Variants in LY96 observed in about 807,000 individuals in gnomAD.
LY96 encodes lymphocyte antigen 96.
Under a neutral mutation model 18.9 loss-of-function variants are expected in LY96, and 18 were observed. That is an observed-to-expected ratio of 0.95 (90% CI 0.66 to 1.41). LY96 has a LOEUF of 1.41. Ranked by LOEUF, LY96 falls within the 40% of genes most tolerant of loss-of-function variation. The pLI is 0.00. For missense variants in LY96, 175 were observed against 182.4 expected, an observed-to-expected ratio of 0.96 and a Z score of 0.23; for synonymous variants, 66 against 62.6, an observed-to-expected ratio of 1.06 and a Z score of -0.26.
At chr8:74,048,321 G>A in the LY96 span, among the ~76,000 whole-genome samples, 1 of 151,888 alleles carries the variant, frequency 6.6e-6, no homozygotes, top group African/African-American at 2.4e-5. Context: ...GAGTACAGTG[G>A]TGCAATCTTG....
At chr8:74,037,909 C>T in the LY96 span, among the ~76,000 whole-genome samples, 1 of 152,150 alleles carries the variant, frequency 6.6e-6, no homozygotes, top group Non-Finnish European at 1.5e-5. Flanking sequence ...TGCTTTCAGC[C>T]CTTCTCTTGC....
intron 1 of LY96, among the ~76,000 whole-genome samples, chr8:73,995,884 A>G (rs1586644632): frequency 6.6e-6 from 1 of 152,236 alleles, no homozygotes; most frequent in East Asian, 1.9e-4. Context: ...TTATGGATTC[A>G]GTAAAATATT....
chr8:74,015,206 A>T (rs552334542), intron 3 of LY96, among the ~76,000 whole-genome samples: 3 of 151,930 alleles, frequency 2.0e-5, no homozygotes, highest in South Asian at 4.2e-4. Flanking sequence ...GATCCTGTTT[A>T]AAAAAAAATT....
chr8:74,074,179 T>C, the LY96 span, among the ~76,000 whole-genome samples: 1 of 152,004 alleles, frequency 6.6e-6, no homozygotes, highest in African/African-American at 2.4e-5. Flanking sequence ...TTTGTAGTTT[T>C]AGTAGAGACA....
the LY96 span, among the ~76,000 whole-genome samples, chr8:74,067,685 A>G: frequency 6.6e-6 from 1 of 152,066 alleles, no homozygotes; most frequent in Non-Finnish European, 1.5e-5. Context: ...GGTGAGGGAG[A>G]TGGAGGCGTT....
the LY96 span, among the ~76,000 whole-genome samples, chr8:74,075,973 G>A: frequency 6.6e-6 from 1 of 152,116 alleles, no homozygotes. Flanking sequence ...CGCAGTCCTG[G>A]CAAAACCTTG....
the LY96 span, among the ~76,000 whole-genome samples, chr8:74,099,196 A>G: frequency 1.3e-5 from 2 of 152,204 alleles, no homozygotes; most frequent in Non-Finnish European, 2.9e-5. Context: ...AAGCCCCTCA[A>G]CTGAGTAAAC....
At chr8:74,050,957 A>G in the LY96 span, among the ~76,000 whole-genome samples, 1 of 152,160 alleles carries the variant, frequency 6.6e-6, no homozygotes. Flanking sequence ...CAGGAGGTGG[A>G]GGTTGCAGTG....
intron 3 of LY96, among the ~76,000 whole-genome samples, chr8:74,024,700 C>T (rs1422260253): frequency 2.0e-5 from 3 of 152,136 alleles, no homozygotes; most frequent in Non-Finnish European, 2.9e-5. Flanking sequence ...GGCCCCAGAG[C>T]CATCACTCTT....
At chr8:74,091,286 C>T in the LY96 span, among the ~76,000 whole-genome samples, 4 of 152,196 alleles carry the variant, frequency 2.6e-5, no homozygotes, top group Non-Finnish European at 5.9e-5. Flanking sequence ...AGTGGCACCA[C>T]CTCTTGCAAG....
At chr8:74,088,199 C>G in the LY96 span, among the ~76,000 whole-genome samples, 33 of 151,690 alleles carry the variant, frequency 2.2e-4, 1 homozygote, top group African/African-American at 2.4e-5. Context: ...TACTATTCCC[C>G]TGCTCTCAGG....
At chr8:74,073,816 C>T in the LY96 span, among the ~76,000 whole-genome samples, 4 of 150,250 alleles carry the variant, frequency 2.7e-5, no homozygotes, top group African/African-American at 9.8e-5. Flanking sequence ...TGCCACCACG[C>T]CTGGCTAATA....
At chr8:74,036,642 C>G in the LY96 span, among the ~76,000 whole-genome samples, 7 of 152,138 alleles carry the variant, frequency 4.6e-5, no homozygotes, top group African/African-American at 1.7e-4. Context: ...CCCAGCCCAC[C>G]AAATTGTCCA....
At chr8:74,054,586 CCTTT>C in the LY96 span, among the ~76,000 whole-genome samples, 494 of 112,870 alleles carry the variant, frequency 4.4e-3, 6 homozygotes, top group African/African-American at 0.015. Flanking sequence ...CCCCCTCCCT[CCTTT>C]CTTTCTTTCT....
intron 1 of LY96, among the ~76,000 whole-genome samples, chr8:73,997,022 G>C (rs975795532): frequency 6.6e-6 from 1 of 152,196 alleles, no homozygotes; most frequent in Admixed American, 6.5e-5. Context: ...TGGGATTACA[G>C]GCATAAGCCA....
the LY96 span, among the ~76,000 whole-genome samples, chr8:74,083,514 A>G: frequency 6.6e-6 from 1 of 152,246 alleles, no homozygotes; most frequent in African/African-American, 2.4e-5. Flanking sequence ...ACTCTTTAAA[A>G]AGTAACTGTA....
the LY96 span, among the ~76,000 whole-genome samples, chr8:74,075,428 A>T: frequency 1.3e-5 from 2 of 152,124 alleles, no homozygotes; most frequent in African/African-American, 4.8e-5. Flanking sequence ...GCCCTACTAC[A>T]GTTAGTTTTT....
At position 74,002,058 on chromosome 8, in the gene LY96, C is replaced by CTTTCTTTCTTTCTTT. The variant is rs1563710759; in HGVS notation, c.113-2738_113-2737insTTTCTTTCTTTCTTT. ...TCCTTCCTTCCTTCCTTCCTTCCTT[C>CTTTCTTTCTTTCTTT]CTTCCTTCCTTCCTTCCTTTCTTTC... is the stretch of plus-strand genomic sequence containing the variant. On this transcript the variant is annotated intron_variant, in intron 1 of 4. Transcript: ENST00000284818. 1.3e-4 allele frequency among the ~76,000 whole-genome samples: 4 copies of CTTTCTTTCTTTCTTT among 31,654 alleles called. 1 individual carries two copies. Among genetic ancestry groups the CTTTCTTTCTTTCTTT allele is most frequent in the South Asian group, 3.1e-3 (2 of 654 alleles). 20.8% of individuals were successfully genotyped at this position (31,654 alleles called of 152,430 possible). A position where few individuals can be genotyped will look rare whatever the true frequency, so the allele number is the denominator to read the frequency against.
downstream of LY96, among the ~76,000 whole-genome samples, chr8:74,032,633 C>G (rs1816989029): frequency 6.6e-6 from 1 of 152,206 alleles, no homozygotes; most frequent in Admixed American, 6.5e-5. Flanking sequence ...GTGCTTCCAG[C>G]TGAATAAAGC....
Sources: gnomAD v4.1 joint callset for allele counts (sites outside exome capture counted in the v4.1 genomes callset) on GRCh38, gnomAD v4.1.1 for gene constraint, MANE v1.5 for transcripts, NCBI Gene and HGNC (gene_info 2026-07-23, HGNC 2026-07-21) for gene names.